SLC41A1: variants seen among roughly 807,000 people sequenced by gnomAD.
The protein encoded by SLC41A1 is solute carrier family 41 member 1, also known as solute carrier family 41 (magnesium transporter), member 1.
A neutral mutation model predicts 47.3 loss-of-function variants in SLC41A1; 20 were observed. The ratio of observed to expected loss-of-function variants is 0.42; its 90% CI spans 0.30 to 0.61. SLC41A1 has a LOEUF of 0.61. SLC41A1 is among the 20% of genes least tolerant of loss of function. The probability of loss-of-function intolerance (pLI) is 0.17; values close to 1 mark genes in which losing one functional copy is unlikely to be tolerated. For missense variants in SLC41A1, 504 were observed against 674.1 expected (o/e 0.75, Z 2.79); for synonymous variants, 282 against 272.7 (o/e 1.03, Z -0.34).
intron 2 of SLC41A1, among the ~76,000 whole-genome samples, chr1:205,801,700 T>A (rs545401633): frequency 6.6e-6 from 1 of 152,236 alleles, no homozygotes; most frequent in African/African-American, 2.4e-5. Flanking sequence ...CCTCAATCTC[T>A]CAGCTAGGAG....
rs528058365 is a variant in SLC41A1, at chr1:205,795,096, G to A, written c.1208-78C>T. The A allele has an allele frequency of 6.3e-5, 99 of 1,575,454 alleles. 1 individual carries two copies. The South Asian group carries it at 1.1e-3, about 17-fold the overall frequency. ...CCAGAAGGCCTTTCAAAGTCAGGAG[G>A]GACGGCACCATACCCCAGGGCAACA... is the stretch of plus-strand genomic sequence containing the variant. On this transcript the variant is annotated intron_variant, in intron 9 of 10. Transcript: ENST00000367137.
At chr1:205,806,336 C>T (rs559162238) in intron 2 of SLC41A1, among the ~76,000 whole-genome samples, 228 of 152,340 alleles carry the variant, frequency 1.5e-3, no homozygotes, top group African/African-American at 5.1e-3. Context: ...CTCTACTTCC[C>T]CAAGGCCACG....
Position 205,810,144 on chromosome 1 carries a change from G to A in SLC41A1, c.298C>T (p.Leu100=), listed in dbSNP as rs1656111270. ...AGGAGGAATGGAAACAGTACTTGCA[G>A]CCCGATGGAAAAGGAGGTCTCCTTG... ...PLKETSFSIG[L]QVLFPFLLAG... Residue 100 remains leucine, a synonymous_variant, in exon 2 of 11, where the codon CTG becomes TTG. Coordinates refer to ENST00000367137, the MANE Select transcript of SLC41A1 (RefSeq NM_173854.6). The surrounding 1 kb of genome is among the most constrained non-coding windows in gnomAD (Gnocchi z 5.5). 6.2e-7 allele frequency: 1 copy of A among 1,614,114 alleles called. No homozygotes were observed. The highest frequency in any genetic ancestry group is 1.3e-5 in the African/African-American group (1 of 74,938).
intron 1 of SLC41A1, among the ~76,000 whole-genome samples, chr1:205,811,993 C>A (rs1257932058): frequency 2.0e-5 from 3 of 152,116 alleles, no homozygotes; most frequent in Admixed American, 2.0e-4. Context: ...AACAAAAAAA[C>A]AAAAGTAGCA....
At position 205,810,210 on chromosome 1, in the gene SLC41A1, C is replaced by T. The variant is rs780018493; in HGVS notation, c.232G>A (p.Asp78Asn). 5.6e-5 allele frequency: 90 copies of T among 1,614,254 alleles called. No homozygotes were observed. The highest frequency in any genetic ancestry group is 6.4e-5 in the Non-Finnish European group (75 of 1,180,042). Residue 78 changes from aspartate to asparagine, a missense_variant, in exon 2 of 11, where the codon GAC (aspartate) becomes AAC (asparagine). By Grantham distance (23) the Asp-to-Asn change is conservative (BLOSUM62 1). Coordinates refer to ENST00000367137, the MANE Select transcript of SLC41A1 (RefSeq NM_173854.6). The surrounding 1 kb of genome is among the most constrained non-coding windows in gnomAD (Gnocchi z 5.5). ...ENGSQSNESD[D>N]VSTDRGPAPP... is the part of the protein sequence containing the mutation. The stretch of plus-strand genomic sequence containing the variant: ...GCAGGGCCACGGTCTGTGCTGACGT[C>T]GTCACTTTCGTTGCTCTGGCTCCCG...
At chr1:205,809,482 CA>C (rs1447915068) in intron 2 of SLC41A1, among the ~76,000 whole-genome samples, 1 of 152,206 alleles carries the variant, frequency 6.6e-6, no homozygotes, top group Non-Finnish European at 1.5e-5. Flanking sequence ...ACCAAATCTC[CA>C]AATCATGCAT....
In SLC41A1 at chr1:205,789,148, T is replaced by A. The variant is rs932002341; in HGVS notation, c.*2385A>T. ...ATATAATTTATCAGTTAAGTTGACA[T>A]TTGTCAATTCAGTTATAGTAACTAT... On this transcript the variant is annotated 3_prime_UTR_variant, in exon 11 of 11. Coordinates refer to ENST00000367137, the MANE Select transcript of SLC41A1 (RefSeq NM_173854.6). 2 of 152,240 alleles carry A rather than the reference T, an allele frequency of 1.3e-5. No homozygotes were observed. Among genetic ancestry groups the A allele is most frequent in the African/African-American group, 4.8e-5 (2 of 41,462 alleles). 9.4% of individuals were successfully genotyped at this position (152,240 alleles called of 1,614,324 possible). A position where few individuals can be genotyped will look rare whatever the true frequency, so the allele number is the denominator to read the frequency against.
Position 205,794,892 on chromosome 1 carries a change from T to C in SLC41A1, c.1334A>G (p.Tyr445Cys), listed in dbSNP as rs1222541745. Residue 445 changes from tyrosine to cysteine, a missense_variant, in exon 10 of 11, where the codon TAT (tyrosine) becomes TGT (cysteine). Around this residue, in one of 2 missense-constraint regions of SLC41A1, gnomAD observed 421 missense variants for 601.6 expected, o/e 0.70. Transcript: ENST00000367137. ...TACCTGGAGCAGTGCAGCTGTCATATAGAAGATGATGAAGATGAGTGTGAG... is the reference window on the plus strand; with the variant it reads ...TACCTGGAGCAGTGCAGCTGTCATACAGAAGATGATGAAGATGAGTGTGAG... ...TTLTLIFIIF[Y>C]MTAALLQVLI... is the part of the protein sequence containing the mutation. 5.6e-6 allele frequency: 9 copies of C among 1,613,868 alleles called. No homozygotes were observed. In the African/African-American group the frequency reaches 1.1e-4, roughly 19 times the overall value.
At chr1:205,796,477 C>A in intron 8 of SLC41A1, 1 of 229,992 alleles carries the variant, frequency 4.3e-6, no homozygotes, top group Non-Finnish European at 8.7e-6. Context: ...CTTGTTTTGC[C>A]CATTTTGCAC....
In SLC41A1 at chr1:205,813,041, G is replaced by A. The variant is rs1340485175; in HGVS notation, c.-880C>T. On this transcript the variant is annotated 5_prime_UTR_variant, in exon 1 of 11. Coordinates refer to ENST00000367137, the MANE Select transcript of SLC41A1 (RefSeq NM_173854.6). ...GCCGCTCCGCTTCCACGCGGGGGAG[G>A]TGGCCGGGGAGGGCAGGATATATCG... 1 of 985,416 alleles carries A rather than the reference G, an allele frequency of 1.0e-6. No homozygotes were observed. Among genetic ancestry groups the A allele is most frequent in the Non-Finnish European group, 1.2e-6 (1 of 830,014 alleles). 61.0% of individuals were successfully genotyped at this position (985,416 alleles called of 1,614,324 possible).
Position 205,791,556 on chromosome 1 carries a change from G to C in SLC41A1, c.1519C>G (p.Arg507Gly). The stretch of plus-strand genomic sequence containing the variant: ...AGCTAGTCCCCGACATCCGTGTCTC[G>C]GTCCCCTATGAGCCAGAGAACATGG... Reference protein sequence around the residue: ...SFHVLWLIGDRDTDVGD With the variant: ...SFHVLWLIGDGDTDVGD The change falls in exon 11 of 11, where the codon CGA becomes GGA. Residue 507 changes from arginine (R) to glycine (G), a missense_variant. By Grantham distance (125) the Arg-to-Gly change is moderately radical (BLOSUM62 -2). Coordinates refer to ENST00000367137, the MANE Select transcript of SLC41A1 (RefSeq NM_173854.6). This position sits in a 1 kb window ranked among gnomAD's most constrained non-coding sequence, Gnocchi z 4.0. 2 of 1,614,092 alleles carry C rather than the reference G, an allele frequency of 1.2e-6. No homozygotes were observed. The highest frequency in any genetic ancestry group is 2.2e-5 in the South Asian group (2 of 91,068).
Position 205,791,846 on chromosome 1 carries a change from C to T in SLC41A1, c.1357-128G>A, listed in dbSNP as rs1655635622. 19 of 1,183,304 alleles carry T rather than the reference C, an allele frequency of 1.6e-5. No homozygotes were observed. Among genetic ancestry groups the T allele is most frequent in the Non-Finnish European group, 2.2e-5 (18 of 817,858 alleles). The allele number at this position is 1,183,304 out of a possible 1,614,324, so 73.3% of individuals were successfully genotyped here. On this transcript the variant is annotated intron_variant, in intron 10 of 10. Transcript: ENST00000367137. This position sits in a 1 kb window ranked among gnomAD's most constrained non-coding sequence, Gnocchi z 4.0. The stretch of plus-strand genomic sequence containing the variant: ...CCATAATCCTTACTTTTTAATCTTC[C>T]TCTTTCCACCCCAGCAACCTCTCTG...
intron 3 of SLC41A1, 141 bp downstream of exon 3, chr1:205,800,812 C>T: frequency 1.3e-6 from 1 of 772,972 alleles, no homozygotes; most frequent in Non-Finnish European, 2.2e-6. Context: ...TACACCTGCC[C>T]AGCCAGGCCC....
chr1:205,793,457 G>A (rs1289913756), intron 10 of SLC41A1, among the ~76,000 whole-genome samples: 1 of 152,182 alleles, frequency 6.6e-6, no homozygotes, highest in Admixed American at 6.5e-5. Context: ...TGCTGCACTG[G>A]AACCCACTAG....
rs1392488014 is a variant in SLC41A1, at chr1:205,813,170, C to G, written c.-1009G>C. The G allele has an allele frequency of 1.2e-5, 12 of 985,388 alleles. No individual in the cohort carries two copies. The highest frequency in any genetic ancestry group is 1.4e-5 in the Non-Finnish European group (12 of 829,996). 61.0% of individuals were successfully genotyped at this position (985,388 alleles called of 1,614,324 possible). On this transcript the variant is annotated 5_prime_UTR_variant, in exon 1 of 11. Coordinates refer to ENST00000367137, the MANE Select transcript of SLC41A1 (RefSeq NM_173854.6). Reference sequence around the variant, plus strand: ...GGACTCGGGCCCAACTGGTTGGCTGCCGGTGGCAAACGTGATCTGGGGCAG... The same window carrying G: ...GGACTCGGGCCCAACTGGTTGGCTGGCGGTGGCAAACGTGATCTGGGGCAG...
At chr1:205,808,945 G>A (rs1656078446) in intron 2 of SLC41A1, among the ~76,000 whole-genome samples, 1 of 152,208 alleles carries the variant, frequency 6.6e-6, no homozygotes, top group Non-Finnish European at 1.5e-5. Context: ...TATCACTATG[G>A]TCTGTAGGGT....
chr1:205,799,212 A>C, intron 4 of SLC41A1, 111 bp from the exon 5 acceptor site: 1 of 1,443,284 alleles, frequency 6.9e-7, no homozygotes. Flanking sequence ...CCCAGGAGGC[A>C]GGCTGGACTG....
At chr1:205,796,894 G>C (rs756530077) in intron 8 of SLC41A1, 30 bp downstream of exon 8, 3 of 1,603,174 alleles carry the variant, frequency 1.9e-6, no homozygotes, top group African/African-American at 1.3e-5. Flanking sequence ...CCCCAGCCCT[G>C]CCCTCTGATA....
At position 205,791,783 on chromosome 1, in the gene SLC41A1, T is replaced by C. The variant is rs1655634478; in HGVS notation, c.1357-65A>G. 6.3e-7 allele frequency: 1 copy of C among 1,584,572 alleles called. No homozygotes were observed. Among genetic ancestry groups the C allele is most frequent in the Non-Finnish European group, 8.6e-7 (1 of 1,163,016 alleles). ...TCTCCAGGGGGAGCCAGAGGCCACA[T>C]GATCAGACCCATTCAGTGCATCACA... On this transcript the variant is annotated intron_variant, in intron 10 of 10. Transcript: ENST00000367137. The surrounding 1 kb of genome is among the most constrained non-coding windows in gnomAD (Gnocchi z 4.0).
Sources: allele counts gnomAD v4.1 joint callset (sites outside exome capture counted in the v4.1 genomes callset), GRCh38; gene constraint gnomAD v4.1.1; regional missense constraint gnomAD v4.1.1; non-coding constraint Gnocchi (gnomAD v3.1); transcripts MANE v1.5; gene names NCBI Gene and HGNC (gene_info 2026-07-23, HGNC 2026-07-21).